The following NCKAP5 variants were observed in gnomAD, a reference collection of about 807,000 sequenced individuals.
NCKAP5 encodes nck-associated protein 5.
NCKAP5 carries 92 observed loss-of-function variants against 167.0 expected under a neutral mutation model. The observed-to-expected ratio is 0.55, with a 90% confidence interval of 0.47 to 0.66. The LOEUF (loss-of-function observed/expected upper bound fraction) is 0.66. Among genes scored for constraint, NCKAP5 ranks in the 30% least tolerant of loss-of-function variants. The pLI, the probability that NCKAP5 is intolerant of heterozygous loss-of-function variation, is 0.00. For missense variants in NCKAP5, 2,378 were observed against 2,315.0 expected (o/e 1.03, Z -0.56); for synonymous variants, 891 against 877.4 (o/e 1.02, Z -0.27).
At chr2:132,842,941 T>C (rs2105433568) in intron 11 of NCKAP5, among the ~76,000 whole-genome samples, 1 of 152,332 alleles carries the variant, frequency 6.6e-6, no homozygotes, top group South Asian at 2.1e-4. Context: ...AGATGGTTTA[T>C]AATGTCACAT....
chr2:133,179,347 C>G (rs2084631584), intron 5 of NCKAP5, among the ~76,000 whole-genome samples: 1 of 150,620 alleles, frequency 6.6e-6, no homozygotes, highest in South Asian at 2.1e-4. Flanking sequence ...TGTTGGCACT[C>G]AAAAAGTTTT....
At chr2:132,798,342 A>T (rs1684767992) in intron 11 of NCKAP5, among the ~76,000 whole-genome samples, 1 of 152,228 alleles carries the variant, frequency 6.6e-6, no homozygotes, top group African/African-American at 2.4e-5. Flanking sequence ...AAACAAAAAG[A>T]TGTCTTTATA....
At chr2:133,043,911 A>G (rs2079300070) in intron 6 of NCKAP5, among the ~76,000 whole-genome samples, 1 of 151,046 alleles carries the variant, frequency 6.6e-6, no homozygotes, top group Non-Finnish European at 1.5e-5. Flanking sequence ...TGATTCAGTG[A>G]TACTGATAGT....
Position 133,477,926 on chromosome 2 carries a change from T to C in NCKAP5, c.69+39532A>G, listed in dbSNP as rs540588323. On this transcript the variant is annotated intron_variant, in intron 3 of 19. Transcript: ENST00000409261. ...CTATGAATTATTTATTTCTGGATTT[T>C]CCCTTTACTATTTTCAGACCATGGT... is the stretch of plus-strand genomic sequence containing the variant. 9.8e-5 allele frequency among the ~76,000 whole-genome samples: 15 copies of C among 152,326 alleles called. 1 individual carries two copies. The highest frequency in any genetic ancestry group is 3.3e-4 in the Admixed American group (5 of 15,296).
At chr2:132,698,967 A>G (rs1377725966) in intron 19 of NCKAP5, among the ~76,000 whole-genome samples, 1 of 152,254 alleles carries the variant, frequency 6.6e-6, no homozygotes, top group Admixed American at 6.5e-5. Flanking sequence ...ATTCTGATAC[A>G]CACTCAAGCT....
chr2:133,393,931 G>GTTCT (rs1318194790), intron 3 of NCKAP5, among the ~76,000 whole-genome samples: 2 of 152,218 alleles, frequency 1.3e-5, no homozygotes, highest in African/African-American at 4.8e-5. Flanking sequence ...GTGACTGCTA[G>GTTCT]AAACCATGAC....
intron 8 of NCKAP5, among the ~76,000 whole-genome samples, chr2:132,880,722 A>G (rs1033181025): frequency 1.3e-5 from 2 of 152,232 alleles, no homozygotes; most frequent in African/African-American, 4.8e-5. Flanking sequence ...TACCTGTAAC[A>G]AAATATCACA....
chr2:132,922,616 AGGGC>A (rs1695529857), intron 8 of NCKAP5, among the ~76,000 whole-genome samples: 1 of 152,162 alleles, frequency 6.6e-6, no homozygotes, highest in African/African-American at 2.4e-5. Flanking sequence ...TTTTCCAAAC[AGGGC>A]ATGCTGTTTC....
intron 2 of NCKAP5, among the ~76,000 whole-genome samples, chr2:133,523,031 A>T (rs2104781224): frequency 6.6e-6 from 1 of 152,198 alleles, no homozygotes; most frequent in South Asian, 2.1e-4. Context: ...CTTCCCCCTC[A>T]CATACACCCA....
chr2:133,657,119 A>G, the NCKAP5 span, among the ~76,000 whole-genome samples: 1 of 152,216 alleles, frequency 6.6e-6, no homozygotes, highest in Admixed American at 6.5e-5. Context: ...AATTCTAACA[A>G]AGAAGGGATG....
intron 5 of NCKAP5, among the ~76,000 whole-genome samples, chr2:133,142,058 G>A (rs1216543611): frequency 6.6e-6 from 1 of 152,086 alleles, no homozygotes; most frequent in Non-Finnish European, 1.5e-5. Context: ...TGTTATTTCT[G>A]GGAGGTAAGG....
chr2:133,149,382 T>G (rs2083305316), intron 5 of NCKAP5, among the ~76,000 whole-genome samples: 1 of 152,146 alleles, frequency 6.6e-6, no homozygotes, highest in South Asian at 2.1e-4. Flanking sequence ...AAGCATGGAC[T>G]GATCTTACTG....
At chr2:133,393,039 C>T (rs566002202) in intron 3 of NCKAP5, among the ~76,000 whole-genome samples, 2 of 152,298 alleles carry the variant, frequency 1.3e-5, no homozygotes, top group African/African-American at 4.8e-5. Context: ...TCAAATAAGA[C>T]TGGTTTGCTG....
At chr2:133,604,928 G>T in the NCKAP5 span, among the ~76,000 whole-genome samples, 1 of 152,158 alleles carries the variant, frequency 6.6e-6, no homozygotes, top group Non-Finnish European at 1.5e-5. Flanking sequence ...TCATGGCCCC[G>T]TCTCTTTTGC....
chr2:132,720,074 G>A (rs918277658), intron 19 of NCKAP5, among the ~76,000 whole-genome samples: 2 of 152,086 alleles, frequency 1.3e-5, no homozygotes, highest in African/African-American at 2.4e-5. Context: ...CCCTTCATCC[G>A]GAGATTGGGA....
chr2:133,428,085 G>C (rs754664885), intron 3 of NCKAP5, among the ~76,000 whole-genome samples: 1 of 151,998 alleles, frequency 6.6e-6, no homozygotes, highest in East Asian at 1.9e-4. Context: ...GATTATTTTT[G>C]AAAGAACGGG....
intron 3 of NCKAP5, among the ~76,000 whole-genome samples, chr2:133,316,319 T>C (rs907959609): frequency 6.6e-6 from 1 of 152,176 alleles, no homozygotes; most frequent in African/African-American, 2.4e-5. Context: ...GTGATAAACA[T>C]GAAGACTTTT....
chr2:133,229,574 A>G (rs1225160174), intron 4 of NCKAP5, among the ~76,000 whole-genome samples: 2 of 152,166 alleles, frequency 1.3e-5, no homozygotes. Flanking sequence ...AACTTGTTTA[A>G]TCCTTACCCC....
intron 5 of NCKAP5, among the ~76,000 whole-genome samples, chr2:133,147,324 C>T (rs760161715): frequency 1.3e-4 from 20 of 152,144 alleles, no homozygotes; most frequent in Admixed American, 6.6e-5. Flanking sequence ...CCGCATCTTG[C>T]GTGCTAATGT....
Sources: gnomAD v4.1 joint callset for allele counts (sites outside exome capture counted in the v4.1 genomes callset) on GRCh38, gnomAD v4.1.1 for gene constraint, MANE v1.5 for transcripts, NCBI Gene and HGNC (gene_info 2026-07-23, HGNC 2026-07-21) for gene names.